CACNA2D3: variants seen among roughly 807,000 people sequenced by gnomAD.
CACNA2D3 encodes voltage-dependent calcium channel subunit alpha-2/delta-3.
A neutral mutation model predicts 160.6 loss-of-function variants in CACNA2D3; 60 were observed. That is an observed-to-expected ratio of 0.37 (90% CI 0.30 to 0.46). The LOEUF is 0.46. Ranked by LOEUF, CACNA2D3 falls within the 20% of genes least tolerant of loss-of-function variation. CACNA2D3 has a pLI of 1.00. For missense variants in CACNA2D3, 1,205 were observed against 1,365.0 expected (o/e 0.88, Z 1.85); for synonymous variants, 558 against 492.9 (o/e 1.13, Z -1.75).
chr3:54,737,353 T>A (rs759898550), intron 11 of CACNA2D3, among the ~76,000 whole-genome samples: 1 of 151,610 alleles, frequency 6.6e-6, no homozygotes, highest in South Asian at 2.1e-4. Flanking sequence ...GGAGGAGGGG[T>A]CTTTTGGAGG....
At chr3:54,640,715 A>C (rs1699499171) in intron 10 of CACNA2D3, among the ~76,000 whole-genome samples, 1 of 152,220 alleles carries the variant, frequency 6.6e-6, no homozygotes, top group African/African-American at 2.4e-5. Context: ...TTAAGAAAAT[A>C]CTTGGGCTTC....
chr3:54,272,283 T>C (rs1292904129), intron 2 of CACNA2D3, among the ~76,000 whole-genome samples: 1 of 152,244 alleles, frequency 6.6e-6, no homozygotes, highest in Non-Finnish European at 1.5e-5. Flanking sequence ...ACCTCAAGGC[T>C]AGAGCAGTTT....
chr3:54,163,375 T>C (rs1455221811), intron 2 of CACNA2D3, among the ~76,000 whole-genome samples: 1 of 152,222 alleles, frequency 6.6e-6, no homozygotes, highest in African/African-American at 2.4e-5. Context: ...GAGTTGGCCA[T>C]GGCTCTTTTC....
intron 3 of CACNA2D3, among the ~76,000 whole-genome samples, chr3:54,348,470 A>G (rs1553631946): frequency 6.6e-6 from 1 of 152,210 alleles, no homozygotes. Flanking sequence ...GTTATCTACA[A>G]TATTGTGTTT....
intron 2 of CACNA2D3, among the ~76,000 whole-genome samples, chr3:54,169,685 ATG>A (rs549566015): frequency 6.2e-5 from 8 of 129,564 alleles, no homozygotes; most frequent in African/African-American, 7.7e-5. Flanking sequence ...ATGTGTGTGT[ATG>A]TGTGTGCATG....
intron 10 of CACNA2D3, chr3:54,633,652 T>G (rs891268045): frequency 7.2e-5 from 11 of 152,206 alleles, no homozygotes; most frequent in Non-Finnish European, 2.9e-5. Flanking sequence ...TCCATCCCAG[T>G]GCACATTCCT....
intron 27 of CACNA2D3, among the ~76,000 whole-genome samples, chr3:54,959,287 A>T (rs1701977189): frequency 1.3e-5 from 2 of 152,056 alleles, no homozygotes; most frequent in Admixed American, 6.5e-5. Context: ...TCTGGAGGGA[A>T]TTTGAGTTTG....
At chr3:54,317,497 A>G (rs545261044) in intron 2 of CACNA2D3, among the ~76,000 whole-genome samples, 1 of 152,302 alleles carries the variant, frequency 6.6e-6, no homozygotes, top group East Asian at 1.9e-4. Flanking sequence ...GTAGAAGGGC[A>G]AGGAGAGCCA....
chr3:54,265,165 C>T (rs564043129), intron 2 of CACNA2D3, among the ~76,000 whole-genome samples: 3 of 152,320 alleles, frequency 2.0e-5, no homozygotes, highest in Non-Finnish European at 2.9e-5. Context: ...ACCACACTGT[C>T]TTCCACAATG....
chr3:54,704,709 A>G (rs771043704), intron 11 of CACNA2D3, among the ~76,000 whole-genome samples: 1 of 152,144 alleles, frequency 6.6e-6, no homozygotes, highest in Non-Finnish European at 1.5e-5. Context: ...CCCATCTAAC[A>G]TGAGGCAGTG....
At chr3:54,926,834 C>T (rs1443977711) in intron 27 of CACNA2D3, among the ~76,000 whole-genome samples, 4 of 151,738 alleles carry the variant, frequency 2.6e-5, no homozygotes, top group East Asian at 3.9e-4. Context: ...ACTGCCTTGG[C>T]TGTGCAGGAA....
chr3:54,504,303 G>A (rs188675743), intron 5 of CACNA2D3, among the ~76,000 whole-genome samples: 13 of 152,246 alleles, frequency 8.5e-5, no homozygotes, highest in African/African-American at 3.1e-4. Flanking sequence ...GCCAATTCCA[G>A]TTGGAATTAT....
intron 11 of CACNA2D3, among the ~76,000 whole-genome samples, chr3:54,667,512 A>G (rs1700088711): frequency 6.6e-6 from 1 of 152,172 alleles, no homozygotes; most frequent in Non-Finnish European, 1.5e-5. Flanking sequence ...TATCCCTACC[A>G]TCACTCAAGC....
intron 2 of CACNA2D3, among the ~76,000 whole-genome samples, chr3:54,293,130 C>G (rs914389926): frequency 6.6e-6 from 1 of 152,160 alleles, no homozygotes; most frequent in African/African-American, 2.4e-5. Context: ...TAGGCGAATT[C>G]CTAGAGACAG....
At chr3:54,626,418 C>G in intron 9 of CACNA2D3, 2 of 1,583,110 alleles carry the variant, frequency 1.3e-6, no homozygotes, top group Admixed American at 1.9e-5. Flanking sequence ...AGGCGCTGCC[C>G]ATGGAGAAGC....
At chr3:54,191,407 C>CATCATG (rs1700980921) in intron 2 of CACNA2D3, among the ~76,000 whole-genome samples, 1 of 151,316 alleles carries the variant, frequency 6.6e-6, no homozygotes, top group Admixed American at 6.6e-5. Context: ...ACATCATCAT[C>CATCATG]ATCATCATCA....
intron 2 of CACNA2D3, among the ~76,000 whole-genome samples, chr3:54,242,424 C>A (rs750382913): frequency 2.1e-4 from 32 of 152,036 alleles, no homozygotes; most frequent in Admixed American, 2.6e-4. Flanking sequence ...GCCTGGGGGA[C>A]AGAGTGAGAC....
At position 54,347,654 on chromosome 3, in the gene CACNA2D3, T is replaced by G. The variant is rs12633531; in HGVS notation, c.321+27096T>G. Among the ~76,000 whole-genome samples the G allele has an allele frequency of 4.1e-3, 626 of 151,610 alleles. 10 individuals are homozygous for G. Among genetic ancestry groups the G allele is most frequent in the East Asian group, 0.026 (134 of 5,158 alleles). Reference sequence around the variant, plus strand: ...ACCAAAATAACTTATGTTGGTTGACTTAAAAAAAAAAAACAAAAAACACCA... The same window carrying G: ...ACCAAAATAACTTATGTTGGTTGACGTAAAAAAAAAAAACAAAAAACACCA... On this transcript the variant is annotated intron_variant, in intron 3 of 37. Coordinates refer to ENST00000474759, the MANE Select transcript of CACNA2D3 (RefSeq NM_018398.3).
At chr3:54,888,185 AC>A in intron 24 of CACNA2D3, 133 bp downstream of exon 24, 1 of 709,204 alleles carries the variant, frequency 1.4e-6, no homozygotes, top group Non-Finnish European at 2.5e-6. Context: ...CAAGCTCCAA[AC>A]CACAAGAGCT....
Sources: allele counts gnomAD v4.1 joint callset (sites outside exome capture counted in the v4.1 genomes callset), GRCh38; gene constraint gnomAD v4.1.1; transcripts MANE v1.5; gene names NCBI Gene and HGNC (gene_info 2026-07-23, HGNC 2026-07-21).